SEZ6L: variants seen among roughly 807,000 people sequenced by gnomAD.
SEZ6L encodes seizure related 6 homolog like, also known as seizure 6-like protein.
A neutral mutation model predicts 106.2 loss-of-function variants in SEZ6L; 37 were observed. That is an observed-to-expected ratio of 0.35 (90% CI 0.27 to 0.46). The LOEUF is 0.46. Among genes scored for constraint, SEZ6L ranks in the 20% least tolerant of loss-of-function variants. The pLI is 1.00. For missense variants in SEZ6L, 1,172 were observed against 1,332.8 expected, an observed-to-expected ratio of 0.88 and a Z score of 1.88; for synonymous variants, 541 against 570.4, an observed-to-expected ratio of 0.95 and a Z score of 0.73.
intron 1 of SEZ6L, among the ~76,000 whole-genome samples, chr22:26,281,549 A>T (rs991286317): frequency 5.3e-5 from 8 of 151,180 alleles, no homozygotes; most frequent in African/African-American, 1.9e-4. Flanking sequence ...TACTTTTTTT[A>T]AATTTTTTTT....
intron 9 of SEZ6L, among the ~76,000 whole-genome samples, chr22:26,332,201 G>A (rs1375731772): frequency 6.9e-6 from 1 of 144,912 alleles, no homozygotes; most frequent in African/African-American, 2.6e-5. Context: ...CCAGGCTGGA[G>A]TGCAGTGGCG....
At chr22:26,190,507 TATCTC>T (rs1292275757) in intron 1 of SEZ6L, among the ~76,000 whole-genome samples, 3 of 152,220 alleles carry the variant, frequency 2.0e-5, no homozygotes, top group African/African-American at 7.2e-5. Flanking sequence ...CTCTGCCACT[TATCTC>T]AGGCAAATTA....
chr22:26,275,400 A>G (rs1399679663), intron 1 of SEZ6L, among the ~76,000 whole-genome samples: 4 of 152,236 alleles, frequency 2.6e-5, no homozygotes, highest in Non-Finnish European at 4.4e-5. Flanking sequence ...GGTTAGGTGT[A>G]TTAAATGCAT....
chr22:26,338,274 T>C (rs2082706142), intron 9 of SEZ6L, among the ~76,000 whole-genome samples: 1 of 152,250 alleles, frequency 6.6e-6, no homozygotes, highest in Non-Finnish European at 1.5e-5. Flanking sequence ...CCTGCAGAAC[T>C]CTGCAGGCTT....
chr22:26,202,812 T>C (rs1214240074), intron 1 of SEZ6L, among the ~76,000 whole-genome samples: 1 of 152,222 alleles, frequency 6.6e-6, no homozygotes, highest in Non-Finnish European at 1.5e-5. Flanking sequence ...AACTGTAGTA[T>C]CGAGCTTGCA....
chr22:26,234,593 G>A (rs2078901485), intron 1 of SEZ6L, among the ~76,000 whole-genome samples: 1 of 152,252 alleles, frequency 6.6e-6, no homozygotes, highest in South Asian at 2.1e-4. Context: ...ATGAGGTCAT[G>A]AATAAGGCTG....
At chr22:26,358,636 T>C (rs2083514856) in intron 12 of SEZ6L, among the ~76,000 whole-genome samples, 1 of 152,138 alleles carries the variant, frequency 6.6e-6, no homozygotes, top group South Asian at 2.1e-4. Context: ...CGTGAGTAGA[T>C]CTATAAGGCC....
At chr22:26,215,491 G>C (rs924700389) in intron 1 of SEZ6L, among the ~76,000 whole-genome samples, 1 of 152,086 alleles carries the variant, frequency 6.6e-6, no homozygotes, top group Non-Finnish European at 1.5e-5. Flanking sequence ...ACCAAAATGG[G>C]AGAGGCGATT....
intron 5 of SEZ6L, among the ~76,000 whole-genome samples, chr22:26,305,759 T>C (rs375667622): frequency 6.6e-6 from 1 of 152,172 alleles, no homozygotes; most frequent in East Asian, 1.9e-4. Context: ...CAAACAGGAT[T>C]CCCTCCCAGG....
At chr22:26,338,769 A>G (rs1211672) in intron 9 of SEZ6L, among the ~76,000 whole-genome samples, 121,917 of 151,300 alleles carry the variant, frequency 0.81, 49,525 homozygotes, top group African/African-American at 0.84. Flanking sequence ...TGTTGGCCAG[A>G]ATGGTTTCGA....
chr22:26,294,416 G>C lies in SEZ6L; in HGVS notation c.960G>C (p.Val320=). 2 of 1,613,940 alleles carry C rather than the reference G, an allele frequency of 1.2e-6. No homozygotes were observed. Among genetic ancestry groups the C allele is most frequent in the Non-Finnish European group, 1.7e-6 (2 of 1,179,940 alleles). Reference sequence around the variant, plus strand: ...TGACAGTCTACACTGGCTATGGGGTGGAGCTCCAGGTAACCCCAGGAGAGT... The same window carrying C: ...TGACAGTCTACACTGGCTATGGGGTCGAGCTCCAGGTAACCCCAGGAGAGT... ...YNVTVYTGYG[V]ELQVKSVNLS... Residue 320 remains valine (V), a synonymous_variant, in exon 3 of 17, where the codon GTG becomes GTC. Transcript: ENST00000248933.
At chr22:26,283,945 G>A (rs138829843) in intron 1 of SEZ6L, among the ~76,000 whole-genome samples, 1 of 152,208 alleles carries the variant, frequency 6.6e-6, no homozygotes, top group African/African-American at 2.4e-5. Context: ...TTCAAAATGT[G>A]TTACTCAGTA....
At chr22:26,219,270 TC>T (rs1271521087) in intron 1 of SEZ6L, among the ~76,000 whole-genome samples, 1 of 150,606 alleles carries the variant, frequency 6.6e-6, no homozygotes, top group African/African-American at 2.5e-5. Flanking sequence ...TTTTTTTTTT[TC>T]GCTCCTGGCA....
rs2083263001 is a variant in SEZ6L at position 26,351,088 on chromosome 22, C to T, written c.2444C>T (p.Ser815Leu). 1 of 1,614,010 alleles carries T rather than the reference C, an allele frequency of 6.2e-7. No homozygotes were observed. Among genetic ancestry groups the T allele is most frequent in the Non-Finnish European group, 8.5e-7 (1 of 1,180,026 alleles). The change falls in exon 12 of 17, where the codon TCG becomes TTG. Residue 815 changes from serine (S) to leucine (L), a missense_variant. Ser to Leu is a moderately radical substitution (Grantham distance 145, BLOSUM62 -2). This residue lies in a region of SEZ6L where 534 missense variants were observed against 691.0 expected (regional missense o/e 0.77). Transcript: ENST00000248933. ...ACCGACCCCGGAGAGGTGGATCACT[C>T]GACCCGCTTAATTTCGGATCCTGTG... is the stretch of plus-strand genomic sequence containing the variant. ...YCTDPGEVDH[S>L]TRLISDPVLL...
At chr22:26,269,023 A>G (rs1320482814) in intron 1 of SEZ6L, among the ~76,000 whole-genome samples, 7 of 152,334 alleles carry the variant, frequency 4.6e-5, no homozygotes, top group Middle Eastern at 3.4e-3. Flanking sequence ...TCTAGGATCA[A>G]ACAGGACAAT....
At chr22:26,320,365 AG>A (rs1211206820) in intron 9 of SEZ6L, among the ~76,000 whole-genome samples, 4 of 152,108 alleles carry the variant, frequency 2.6e-5, no homozygotes, top group African/African-American at 4.8e-5. Context: ...GGGGCCAATA[AG>A]GGGGGGCATC....
intron 13 of SEZ6L, among the ~76,000 whole-genome samples, chr22:26,370,756 C>A (rs920289806): frequency 6.6e-6 from 1 of 151,972 alleles, no homozygotes; most frequent in Non-Finnish European, 1.5e-5. Flanking sequence ...GTAATCCCAG[C>A]ACTTTGAGAG....
At chr22:26,259,585 G>A (rs190305713) in intron 1 of SEZ6L, among the ~76,000 whole-genome samples, 1 of 152,340 alleles carries the variant, frequency 6.6e-6, no homozygotes, top group East Asian at 1.9e-4. Flanking sequence ...AGGGCAGAGA[G>A]GAGACTCAAC....
intron 1 of SEZ6L, among the ~76,000 whole-genome samples, chr22:26,219,636 A>T (rs1008923592): frequency 6.6e-6 from 1 of 152,238 alleles, no homozygotes; most frequent in East Asian, 1.9e-4. Flanking sequence ...AATTAAAACA[A>T]CTAAGAGGAG....
Sources: gnomAD v4.1 joint callset for allele counts (sites outside exome capture counted in the v4.1 genomes callset) on GRCh38, gnomAD v4.1.1 for gene constraint, gnomAD v4.1.1 regional missense constraint, MANE v1.5 for transcripts, NCBI Gene and HGNC (gene_info 2026-07-23, HGNC 2026-07-21) for gene names.